LAMP2: variants seen among roughly 807,000 people sequenced by gnomAD.
LAMP2 encodes lysosome associated membrane protein 2, also known as lysosome-associated membrane glycoprotein 2.
LAMP2 carries 4 observed loss-of-function variants against 25.6 expected under a neutral mutation model. The observed-to-expected ratio is 0.16, with a 90% CI of 0.08 to 0.36. LAMP2 has a LOEUF of 0.36. Ranked by LOEUF, LAMP2 falls within the 10% of genes least tolerant of loss-of-function variation. The probability of loss-of-function intolerance (pLI) is 1.00; values close to 1 mark genes in which losing one functional copy is unlikely to be tolerated. For synonymous variants in LAMP2, 108 were observed against 112.7 expected, an observed-to-expected ratio of 0.96 and a Z score of 0.27; for missense variants, 272 against 301.4, an observed-to-expected ratio of 0.90 and a Z score of 0.72.
chrX:120,439,669 TATG>T (rs1201254015), intron 8 of LAMP2, among the ~76,000 whole-genome samples: 1 of 110,067 alleles, frequency 9.1e-6, no homozygotes, highest in Non-Finnish European at 1.9e-5. Context: ...ACATTATATA[TATG>T]ATATATATTT....
In LAMP2 at chrX:120,455,432, T is replaced by C. The variant is rs751526532; in HGVS notation, c.322A>G (p.Thr108Ala). 1 of 1,210,463 alleles carries C rather than the reference T, an allele frequency of 8.3e-7. No homozygotes were observed. The highest frequency in any genetic ancestry group is 1.7e-5 in the African/African-American group (1 of 57,644). The stretch of plus-strand genomic sequence containing the variant: ...AATGAGACGCTGTCAATTGAATAAG[T>C]AGATGCTGCCTTGGTAAAATTCGCA... ...WIANFTKAAS[T>A]YSIDSVSFSY... Residue 108 changes from threonine to alanine, a missense_variant, in exon 3 of 9, where the codon ACT (threonine) becomes GCT (alanine). Thr to Ala is a moderately conservative substitution (Grantham distance 58). Transcript: ENST00000200639.
chrX:120,437,197 C>A (rs1291735975), intron 8 of LAMP2: 1 of 746,932 alleles, frequency 1.3e-6, no homozygotes, highest in East Asian at 1.5e-4. Context: ...TCAGGCTAAA[C>A]AAAGAACAAA....
At chrX:120,440,546 C>A (rs139123190) in intron 8 of LAMP2, among the ~76,000 whole-genome samples, 1 of 111,542 alleles carries the variant, frequency 9.0e-6, no homozygotes, top group Non-Finnish European at 1.9e-5. Context: ...ATTCTATGTA[C>A]ATAAAAACCA....
At chrX:120,464,790 C>T (rs1331920613) in intron 1 of LAMP2, among the ~76,000 whole-genome samples, 1 of 111,800 alleles carries the variant, frequency 8.9e-6, no homozygotes, top group South Asian at 3.7e-4. Flanking sequence ...TTGCTCTTGT[C>T]CCCCAGGCTG....
rs2058514833 is a variant in LAMP2 at position 120,429,666 on chromosome X, C to T, written c.*1657G>A. Reference sequence around the variant, plus strand: ...AACATAGTACGGAAGCCCAAAGTGCCCAATTCTGATCTCATAATTTCAAGT... The same window carrying T: ...AACATAGTACGGAAGCCCAAAGTGCTCAATTCTGATCTCATAATTTCAAGT... On this transcript the variant is annotated 3_prime_UTR_variant, in exon 9 of 9. Transcript: ENST00000200639. 1 of 750,823 alleles carries T rather than the reference C, an allele frequency of 1.3e-6. No individual in the cohort carries two copies. The highest frequency in any genetic ancestry group is 6.9e-5 in the South Asian group (1 of 14,593). The allele number at this position is 750,823 out of a possible 1,213,427, so 61.9% of individuals were successfully genotyped here. A position where few individuals can be genotyped will look rare whatever the true frequency, so the allele number is the denominator to read the frequency against.
chrX:120,437,987 C>A (rs2058553227), intron 8 of LAMP2: 1 of 229,660 alleles, frequency 4.4e-6, no homozygotes, highest in Non-Finnish European at 6.2e-6. Context: ...TCCCGAGTAA[C>A]TGGGATTACA....
At chrX:120,439,559 T>C (rs751557917) in intron 8 of LAMP2, among the ~76,000 whole-genome samples, 8 of 110,160 alleles carry the variant, frequency 7.3e-5, no homozygotes, top group African/African-American at 1.3e-4. Flanking sequence ...CATTTACATC[T>C]ATAAACACAG....
intron 1 of LAMP2, among the ~76,000 whole-genome samples, chrX:120,464,336 T>A (rs923692129): frequency 9.0e-6 from 1 of 111,555 alleles, no homozygotes; most frequent in Non-Finnish European, 1.9e-5. Flanking sequence ...TGAGTCTAGT[T>A]TACCACCATA....
intron 6 of LAMP2, among the ~76,000 whole-genome samples, chrX:120,444,919 T>A (rs1339101981): frequency 3.3e-4 from 37 of 112,160 alleles, no homozygotes; most frequent in African/African-American, 1.1e-3. Flanking sequence ...AGGTGTCTCT[T>A]GATTTTTCAG....
intron 8 of LAMP2, chrX:120,437,575 T>TTG (rs2147276405): frequency 1.3e-6 from 1 of 751,324 alleles, no homozygotes; most frequent in African/African-American, 2.3e-5. Flanking sequence ...CTGATGTATT[T>TTG]TGCTTTCTCC....
chrX:120,463,549 T>C (rs1347572721), intron 1 of LAMP2, among the ~76,000 whole-genome samples: 1 of 111,808 alleles, frequency 8.9e-6, no homozygotes, highest in African/African-American at 3.2e-5. Context: ...TAAGAAATTA[T>C]GATCAGAATA....
At chrX:120,442,136 A>T (rs954231484) in intron 7 of LAMP2, among the ~76,000 whole-genome samples, 15 of 105,053 alleles carry the variant, frequency 1.4e-4, no homozygotes, top group Middle Eastern at 5.1e-3. Context: ...CCAGCTACCT[A>T]GGAGGCTGAG....
rs779112288 is a variant in LAMP2, at chrX:120,453,498, G to T, written c.397+1859C>A. Among the ~76,000 whole-genome samples the T allele has an allele frequency of 3.7e-4, 41 of 111,948 alleles. 1 individual carries two copies. The highest frequency in any genetic ancestry group is 3.5e-3 in the Admixed American group (37 of 10,591). On this transcript the variant is annotated intron_variant, in intron 3 of 8. Coordinates refer to ENST00000200639, the MANE Select transcript of LAMP2 (RefSeq NM_002294.3). ...TCAACGGGCAGGGGGAGAAAGAAGAGAATTATATCCCTAACAAAATTAAAA... is the reference window on the plus strand; with the variant it reads ...TCAACGGGCAGGGGGAGAAAGAAGATAATTATATCCCTAACAAAATTAAAA...
intron 3 of LAMP2, among the ~76,000 whole-genome samples, chrX:120,449,601 C>T (rs1266257064): frequency 1.8e-5 from 2 of 109,675 alleles, no homozygotes; most frequent in Non-Finnish European, 3.8e-5. Context: ...ATGACAAGAG[C>T]AAAACTCTGT....
Position 120,430,047 on chromosome X carries a change from A to T in LAMP2, c.*1276T>A. 5.3e-6 allele frequency: 4 copies of T among 752,294 alleles called. No individual in the cohort carries two copies. Among genetic ancestry groups the T allele is most frequent in the Non-Finnish European group, 6.3e-6 (4 of 637,296 alleles). 62.0% of individuals were successfully genotyped at this position (752,294 alleles called of 1,213,427 possible). On this transcript the variant is annotated 3_prime_UTR_variant, in exon 9 of 9. Transcript: ENST00000200639. ...GAAAGAATTTACTATATTTTACTGAAAGCTCTCAAAGACTGACAGCTGGGT... is the reference window on the plus strand; with the variant it reads ...GAAAGAATTTACTATATTTTACTGATAGCTCTCAAAGACTGACAGCTGGGT...
At chrX:120,455,056 C>T (rs1251052970) in intron 3 of LAMP2, among the ~76,000 whole-genome samples, 18 of 98,850 alleles carry the variant, frequency 1.8e-4, no homozygotes, top group African/African-American at 6.3e-4. Flanking sequence ...CTAGGATATA[C>T]ATATATATGT....
chrX:120,458,416 G>A (rs1921191852), intron 1 of LAMP2, among the ~76,000 whole-genome samples: 1 of 111,889 alleles, frequency 8.9e-6, no homozygotes, highest in Non-Finnish European at 1.9e-5. Flanking sequence ...GAGAACTGAC[G>A]TTTTATGAAA....
chrX:120,469,262 G>A lies in LAMP2; in HGVS notation c.-93C>T, dbSNP rs1044167843. 1.1e-6 allele frequency: 1 copy of A among 917,547 alleles called. No homozygotes were observed. Among genetic ancestry groups the A allele is most frequent in the South Asian group, 2.0e-5 (1 of 49,534 alleles). 75.6% of individuals were successfully genotyped at this position (917,547 alleles called of 1,213,427 possible). ...AAGGCTCGCTGGACCTGGGTCAAGA[G>A]CACTGATGACCACCGACCACAGCCT... On this transcript the variant is annotated 5_prime_UTR_variant, in exon 1 of 9. Transcript: ENST00000200639.
At chrX:120,432,851 T>C (rs1439016129) in intron 8 of LAMP2, among the ~76,000 whole-genome samples, 1 of 109,714 alleles carries the variant, frequency 9.1e-6, no homozygotes, top group Non-Finnish European at 1.9e-5. Flanking sequence ...TCCTAGCTAC[T>C]TGGGAAGCTG....
Sources: gnomAD v4.1 joint callset for allele counts (sites outside exome capture counted in the v4.1 genomes callset) on GRCh38, gnomAD v4.1.1 for gene constraint, MANE v1.5 for transcripts, NCBI Gene and HGNC (gene_info 2026-07-23, HGNC 2026-07-21) for gene names.